SEMA3A: variants seen among roughly 807,000 people sequenced by gnomAD.
The protein encoded by SEMA3A is semaphorin 3A.
In SEMA3A, 29 loss-of-function variants were observed where a neutral mutation model predicts 97.9. The observed-to-expected ratio is 0.30, with a 90% CI of 0.22 to 0.40. The LOEUF (loss-of-function observed/expected upper bound fraction) is 0.40, where lower values mean the gene tolerates loss of function less well. SEMA3A is among the 10% of genes least tolerant of loss of function. The pLI is 1.00. For synonymous variants in SEMA3A, 321 were observed against 323.7 expected (o/e 0.99, Z 0.09); for missense variants, 763 against 951.3 (o/e 0.80, Z 2.60).
intron 2 of SEMA3A, among the ~76,000 whole-genome samples, chr7:84,369,844 T>TAATATACATATA: frequency 6.6e-6 from 1 of 150,486 alleles, no homozygotes; most frequent in African/African-American, 2.4e-5. Context: ...TGAAAATTAG[T>TAATATACATATA]AATATAAATA....
chr7:84,046,515 C>A (rs528013513), intron 5 of SEMA3A, 72 bp from the exon 6 acceptor site: 1 of 1,552,968 alleles, frequency 6.4e-7, no homozygotes, highest in Admixed American at 1.7e-5. Flanking sequence ...ACAAAACAAA[C>A]AAAATGCAAG....
At chr7:84,041,871 T>C (rs1792145263) in intron 6 of SEMA3A, among the ~76,000 whole-genome samples, 2 of 152,032 alleles carry the variant, frequency 1.3e-5, no homozygotes, top group Non-Finnish European at 2.9e-5. Context: ...AATGACATCA[T>C]CGTTAAGTCT....
intron 4 of SEMA3A, among the ~76,000 whole-genome samples, chr7:84,104,369 T>C (rs547125339): frequency 5.9e-4 from 90 of 152,224 alleles, no homozygotes; most frequent in Non-Finnish European, 1.0e-3. Context: ...CTAAATATCC[T>C]TCAAGGTAAG....
chr7:84,121,152 C>G (rs189862295), intron 3 of SEMA3A, among the ~76,000 whole-genome samples: 96 of 152,260 alleles, frequency 6.3e-4, no homozygotes, highest in African/African-American at 2.1e-3. Context: ...CAGCCTTCTA[C>G]TTCAGAGAAA....
At chr7:84,303,447 A>G (rs1323363383) in intron 3 of SEMA3A, among the ~76,000 whole-genome samples, 4 of 152,168 alleles carry the variant, frequency 2.6e-5, no homozygotes, top group African/African-American at 9.7e-5. Flanking sequence ...ACAGACTGAG[A>G]TATAAATATG....
intron 2 of SEMA3A, among the ~76,000 whole-genome samples, chr7:84,353,734 C>A (rs1046157956): frequency 6.6e-6 from 1 of 151,544 alleles, no homozygotes; most frequent in Non-Finnish European, 1.5e-5. Context: ...TCAAATTTTC[C>A]TTTTATTCCA....
chr7:84,146,022 T>G (rs943925269), intron 1 of SEMA3A, among the ~76,000 whole-genome samples: 6 of 152,150 alleles, frequency 3.9e-5, no homozygotes, highest in Non-Finnish European at 7.4e-5. Flanking sequence ...TGATTTTCCC[T>G]TTTCTTGTGC....
chr7:84,479,530 A>G (rs1487945745), intron 1 of SEMA3A, among the ~76,000 whole-genome samples: 3 of 152,204 alleles, frequency 2.0e-5, no homozygotes, highest in Non-Finnish European at 2.9e-5. Flanking sequence ...GAATAGAACT[A>G]GATATGGAAA....
chr7:84,292,437 A>G (rs527537061), intron 3 of SEMA3A, among the ~76,000 whole-genome samples: 1 of 151,820 alleles, frequency 6.6e-6, no homozygotes, highest in South Asian at 2.1e-4. Flanking sequence ...ACTTGACTAA[A>G]AAAAAAAAAC....
Position 84,194,524 on chromosome 7 carries a change from G to C in SEMA3A, c.63C>G (p.Asn21Lys), listed in dbSNP as rs368260196. 13 of 1,613,236 alleles carry C rather than the reference G, an allele frequency of 8.1e-6. No individual in the cohort carries two copies. Among genetic ancestry groups the C allele is most frequent in the South Asian group, 1.1e-5 (1 of 91,046 alleles). The change falls in exon 1 of 17, where the codon AAC becomes AAG. Residue 21 changes from asparagine to lysine, a missense_variant. Coordinates refer to ENST00000265362, the MANE Select transcript of SEMA3A (RefSeq NM_006080.3). The part of the protein sequence containing the change: ...FWGVLLTARA[N>K]YQNGKNNVPR... ...GCACATTGTTCTTCCCATTCTGATA[G>C]TTTGCTCTTGCTGTAAGTAATACTC...
intron 3 of SEMA3A, among the ~76,000 whole-genome samples, chr7:84,279,719 G>C (rs562510970): frequency 6.6e-6 from 1 of 151,990 alleles, no homozygotes; most frequent in Non-Finnish European, 1.5e-5. Context: ...CCAACAAAAG[G>C]TTTTCTAATA....
At chr7:84,357,443 T>A (rs890554405) in intron 2 of SEMA3A, among the ~76,000 whole-genome samples, 1 of 152,108 alleles carries the variant, frequency 6.6e-6, no homozygotes, top group African/African-American at 2.4e-5. Context: ...GCTTCATCCA[T>A]GTCCCTACAA....
chr7:84,490,017 T>C (rs1806678399), intron 1 of SEMA3A, among the ~76,000 whole-genome samples: 1 of 151,868 alleles, frequency 6.6e-6, no homozygotes, highest in Non-Finnish European at 1.5e-5. Flanking sequence ...TTTGAAAACA[T>C]GTATAGATAA....
At chr7:84,073,586 T>C (rs1304050703) in intron 4 of SEMA3A, among the ~76,000 whole-genome samples, 1 of 152,106 alleles carries the variant, frequency 6.6e-6, no homozygotes, top group Non-Finnish European at 1.5e-5. Flanking sequence ...ATAATTTTAG[T>C]TGCAGAACAA....
At chr7:84,051,329 T>C (rs1792638357) in intron 5 of SEMA3A, among the ~76,000 whole-genome samples, 1 of 152,202 alleles carries the variant, frequency 6.6e-6, no homozygotes, top group Admixed American at 6.5e-5. Context: ...ATATTGATTC[T>C]TCCTACCCAT....
At chr7:84,004,233 T>C (rs1452902126) in intron 11 of SEMA3A, among the ~76,000 whole-genome samples, 4 of 151,930 alleles carry the variant, frequency 2.6e-5, no homozygotes, top group Admixed American at 6.6e-5. Flanking sequence ...AACCGGGACT[T>C]TCAAAAATAA....
At chr7:84,136,409 A>C (rs1796125826) in intron 1 of SEMA3A, among the ~76,000 whole-genome samples, 1 of 152,220 alleles carries the variant, frequency 6.6e-6, no homozygotes, top group Non-Finnish European at 1.5e-5. Flanking sequence ...ACTAAAGGTC[A>C]GGTCACTATC....
intron 4 of SEMA3A, among the ~76,000 whole-genome samples, chr7:84,065,710 A>C (rs181506488): frequency 6.6e-6 from 1 of 152,170 alleles, no homozygotes; most frequent in Non-Finnish European, 1.5e-5. Context: ...CTCTCCCAAG[A>C]CTAAACCAGG....
At chr7:84,365,572 T>A (rs1802828360) in intron 2 of SEMA3A, among the ~76,000 whole-genome samples, 1 of 151,590 alleles carries the variant, frequency 6.6e-6, no homozygotes, top group African/African-American at 2.4e-5. Flanking sequence ...CTGTATCTCA[T>A]ACTGTATTAT....
Sources: allele counts gnomAD v4.1 joint callset (sites outside exome capture counted in the v4.1 genomes callset), GRCh38; gene constraint gnomAD v4.1.1; transcripts MANE v1.5; gene names NCBI Gene and HGNC (gene_info 2026-07-23, HGNC 2026-07-21).